Variants in PHKA2 observed in about 807,000 individuals in gnomAD.
The protein encoded by PHKA2 is phosphorylase b kinase regulatory subunit alpha, liver isoform.
In PHKA2, 31 loss-of-function variants were observed where a neutral mutation model predicts 102.0. The observed-to-expected ratio is 0.30, with a 90% CI of 0.23 to 0.41. PHKA2 has a LOEUF of 0.41. Among genes scored for constraint, PHKA2 ranks in the 10% least tolerant of loss-of-function variants. PHKA2 has a pLI of 1.00. For synonymous variants in PHKA2, 455 were observed against 416.2 expected, an observed-to-expected ratio of 1.09 and a Z score of -1.13; for missense variants, 858 against 1,023.1, an observed-to-expected ratio of 0.84 and a Z score of 2.20.
chrX:18,983,150 G>C (rs2049201215), intron 1 of PHKA2, among the ~76,000 whole-genome samples: 1 of 112,320 alleles, frequency 8.9e-6, no homozygotes, highest in Non-Finnish European at 1.9e-5. Context: ...TTGAGGGCAA[G>C]AAACATAGCT....
At chrX:18,952,314 T>G (rs1185732180) in intron 3 of PHKA2, among the ~76,000 whole-genome samples, 180 bp downstream of exon 3, 3 of 81,301 alleles carry the variant, frequency 3.7e-5, no homozygotes, top group African/African-American at 1.1e-4. Context: ...TGAGTGACAG[T>G]GTGAGACCCT....
chrX:18,905,660 C>A, intron 26 of PHKA2, 98 bp downstream of exon 26: 1 of 613,937 alleles, frequency 1.6e-6, no homozygotes, highest in Non-Finnish European at 2.8e-6. Flanking sequence ...GGAGCCTTCT[C>A]TTCCCACATT....
intron 1 of PHKA2, among the ~76,000 whole-genome samples, chrX:18,974,375 T>C (rs2049056894): frequency 9.0e-6 from 1 of 111,426 alleles, no homozygotes; most frequent in Non-Finnish European, 1.9e-5. Context: ...CTGTCGGACA[T>C]GGTCACCAAT....
intron 3 of PHKA2, 121 bp from the exon 4 acceptor site, chrX:18,951,393 A>T: frequency 1.4e-6 from 1 of 718,353 alleles, no homozygotes; most frequent in Non-Finnish European, 2.2e-6. Flanking sequence ...AGCCAGAGGG[A>T]TGGAAGGCAG....
At chrX:18,910,472 C>CT (rs1464277324) in intron 20 of PHKA2, among the ~76,000 whole-genome samples, 5 of 111,596 alleles carry the variant, frequency 4.5e-5, no homozygotes, top group Non-Finnish European at 9.4e-5. Context: ...GAGCGAGACT[C>CT]TAAGAAAAAT....
At chrX:18,913,805 C>T (rs2047971606) in intron 19 of PHKA2, among the ~76,000 whole-genome samples, 1 of 111,877 alleles carries the variant, frequency 8.9e-6, no homozygotes, top group African/African-American at 3.3e-5. Context: ...CAAACACACA[C>T]ATTAGGCCTA....
At chrX:18,956,599 T>C (rs1336401722) in intron 1 of PHKA2, among the ~76,000 whole-genome samples, 1 of 112,373 alleles carries the variant, frequency 8.9e-6, no homozygotes, top group East Asian at 2.8e-4. Context: ...TTGGAGTAGA[T>C]TAGTTCATCC....
chrX:18,984,077 C>T lies in PHKA2; in HGVS notation c.-145G>A. 2.0e-6 allele frequency: 1 copy of T among 508,577 alleles called. No individual in the cohort carries two copies. Among genetic ancestry groups the T allele is most frequent in the South Asian group, 2.6e-5 (1 of 37,848 alleles). 41.9% of individuals were successfully genotyped at this position (508,577 alleles called of 1,213,427 possible). ...GGGACCGGGCCGGAGGAGGTCGAGACTTTTCTAAACGCTAGCCCCAAAGTC... is the reference window on the plus strand; with the variant it reads ...GGGACCGGGCCGGAGGAGGTCGAGATTTTTCTAAACGCTAGCCCCAAAGTC... On this transcript the variant is annotated 5_prime_UTR_variant, in exon 1 of 33. Coordinates refer to ENST00000379942, the MANE Select transcript of PHKA2 (RefSeq NM_000292.3).
rs1401868953 is a variant in PHKA2 at position 18,920,235 on chromosome X, A to G, written c.1794-34T>C. 3 of 694,696 alleles carry G rather than the reference A, an allele frequency of 4.3e-6. No individual in the cohort carries two copies. In the South Asian group the frequency reaches 6.4e-5, roughly 15 times the overall value. 57.3% of individuals were successfully genotyped at this position (694,696 alleles called of 1,213,427 possible). ...AAGACACCGTGTTAGGGACACAGGT[A>G]GTGTGTGGATAACCTTCCACTATGA... On this transcript the variant is annotated intron_variant, in intron 17 of 32. Coordinates refer to ENST00000379942, the MANE Select transcript of PHKA2 (RefSeq NM_000292.3).
chrX:18,947,766 T>C (rs1316133529), intron 5 of PHKA2, among the ~76,000 whole-genome samples: 3 of 112,249 alleles, frequency 2.7e-5, no homozygotes, highest in Non-Finnish European at 5.6e-5. Context: ...GGCCCATCAG[T>C]CAACGAGTAG....
At chrX:18,949,228 A>C (rs1329884319) in intron 4 of PHKA2, among the ~76,000 whole-genome samples, 1 of 111,698 alleles carries the variant, frequency 9.0e-6, no homozygotes, top group African/African-American at 3.3e-5. Context: ...TACTTTTCCC[A>C]GTGGGAGACA....
At chrX:18,960,696 G>T (rs1226467662) in intron 1 of PHKA2, among the ~76,000 whole-genome samples, 1 of 112,222 alleles carries the variant, frequency 8.9e-6, no homozygotes, top group Non-Finnish European at 1.9e-5. Flanking sequence ...CAAAACTGGG[G>T]ATTACATTTC....
intron 8 of PHKA2, among the ~76,000 whole-genome samples, 178 bp from the exon 9 acceptor site, chrX:18,940,226 G>T (rs895038897): frequency 8.9e-6 from 1 of 112,113 alleles, no homozygotes; most frequent in African/African-American, 3.2e-5. Flanking sequence ...ATTCAGGTTT[G>T]ATCGGTACTT....
intron 2 of PHKA2, among the ~76,000 whole-genome samples, chrX:18,952,793 G>A (rs1403726632): frequency 8.9e-6 from 1 of 112,585 alleles, no homozygotes; most frequent in African/African-American, 3.2e-5. Context: ...CTGAAATTCA[G>A]TGACTCCTCG....
chrX:18,946,517 G>T (rs1455205668), intron 5 of PHKA2, among the ~76,000 whole-genome samples: 1 of 110,943 alleles, frequency 9.0e-6, no homozygotes, highest in Non-Finnish European at 1.9e-5. Flanking sequence ...CCCATGATTT[G>T]GCCTCCTTAG....
rs2047800718 is a variant in PHKA2, at chrX:18,905,820, A to T, written c.2846T>A (p.Phe949Tyr). ...ASESLMNLSPFDMKNLLHHIL... is the reference protein window; with the variant it reads ...ASESLMNLSPYDMKNLLHHIL... Reference sequence around the variant, plus strand: ...ATGGTGCAGGAGATTTTTCATATCGAAAGGGCTGAGGTTCATCAAACTTTC... The same window carrying T: ...ATGGTGCAGGAGATTTTTCATATCGTAAGGGCTGAGGTTCATCAAACTTTC... The change falls in exon 26 of 33, where the codon TTC becomes TAC. Residue 949 changes from phenylalanine to tyrosine, a missense_variant. Around this residue, in one of 2 missense-constraint regions of PHKA2, gnomAD observed 671 missense variants for 745.2 expected, o/e 0.90. Transcript: ENST00000379942. 1 of 1,208,123 alleles carries T rather than the reference A, an allele frequency of 8.3e-7. No individual in the cohort carries two copies. Among genetic ancestry groups the T allele is most frequent in the Non-Finnish European group, 1.1e-6 (1 of 892,004 alleles).
At chrX:18,929,136 A>T in intron 13 of PHKA2, 92 bp downstream of exon 13, 5 of 650,760 alleles carry the variant, frequency 7.7e-6, no homozygotes, top group Non-Finnish European at 9.9e-6. Flanking sequence ...TACACACTTT[A>T]AAAAAATTAA....
At chrX:18,967,562 T>G (rs1364451950) in intron 1 of PHKA2, among the ~76,000 whole-genome samples, 8 of 108,580 alleles carry the variant, frequency 7.4e-5, no homozygotes, top group African/African-American at 2.4e-4. Flanking sequence ...AGCTGAGATG[T>G]GTTTCGGTGG....
In PHKA2 at chrX:18,954,302, C is replaced by T. The variant is rs367727274; in HGVS notation, c.189G>A (p.Lys63=). ...AVWGLGMAYR[K]NADRDEDKAK... ...CCTTGTCCTCATCGCGGTCTGCATT[C>T]TTACGGTAGGCCATGCCCAGGCCCC... Residue 63 remains lysine (K), a synonymous_variant, in exon 2 of 33, where the codon AAG becomes AAA. Transcript: ENST00000379942. 5.0e-6 allele frequency: 6 copies of T among 1,211,897 alleles called. No homozygotes were observed. The highest frequency in any genetic ancestry group is 3.5e-5 in the African/African-American group (2 of 57,913).
Sources: gnomAD v4.1 joint callset for allele counts (sites outside exome capture counted in the v4.1 genomes callset) on GRCh38, gnomAD v4.1.1 for gene constraint, gnomAD v4.1.1 regional missense constraint, MANE v1.5 for transcripts, NCBI Gene and HGNC (gene_info 2026-07-23, HGNC 2026-07-21) for gene names.